The following SKAP2 variants were observed in gnomAD, a reference collection of about 807,000 sequenced individuals.
SKAP2 encodes the protein src kinase associated phosphoprotein 2, also known as src kinase-associated phosphoprotein 2.
In SKAP2, 28 loss-of-function variants were observed where a neutral mutation model predicts 54.9. The observed-to-expected ratio is 0.51, with a 90% CI of 0.38 to 0.70. The LOEUF (loss-of-function observed/expected upper bound fraction) is 0.70. Ranked by LOEUF, SKAP2 falls within the 30% of genes least tolerant of loss-of-function variation. The pLI is 0.00. For missense variants in SKAP2, 356 were observed against 424.1 expected, an observed-to-expected ratio of 0.84 and a Z score of 1.41; for synonymous variants, 137 against 134.3, an observed-to-expected ratio of 1.02 and a Z score of -0.14.
intron 9 of SKAP2, among the ~76,000 whole-genome samples, chr7:26,718,022 TATACATACATAC>T (rs755874393): frequency 6.6e-6 from 1 of 151,726 alleles, no homozygotes; most frequent in African/African-American, 2.4e-5. Flanking sequence ...ATTATATATA[TATACATACATAC>T]ATACATACAT....
In SKAP2 at chr7:26,784,714, G is replaced by A. The variant is rs572326174; in HGVS notation, c.308-44750C>T. Among the ~76,000 whole-genome samples, 11 of 152,312 alleles carry A rather than the reference G, an allele frequency of 7.2e-5. No individual in the cohort carries two copies. In the East Asian group the frequency reaches 2.1e-3, roughly 29 times the overall value. ...ACAGTGGGAGTTCAAAGTCATTATT[G>A]AAGAGTGAACATAAGAAAGTTTAAC... On this transcript the variant is annotated intron_variant, in intron 4 of 12. Coordinates refer to ENST00000345317, the MANE Select transcript of SKAP2 (RefSeq NM_003930.5).
chr7:26,831,214 T>C (rs532774828), intron 4 of SKAP2, among the ~76,000 whole-genome samples: 1 of 152,302 alleles, frequency 6.6e-6, no homozygotes, highest in East Asian at 1.9e-4. Context: ...TGCCTATGTA[T>C]AAAATTTTTC....
chr7:26,757,571 C>T (rs552739395), intron 4 of SKAP2, among the ~76,000 whole-genome samples: 49 of 152,268 alleles, frequency 3.2e-4, no homozygotes, highest in Non-Finnish European at 6.0e-4. Context: ...GTTTTGGTTA[C>T]TGTAGCCTTG....
At position 26,844,077 on chromosome 7, in the gene SKAP2, G is replaced by T. The variant is rs758783711; in HGVS notation, c.260C>A (p.Ser87Ter). The T allele has an allele frequency of 6.2e-7, 1 of 1,612,190 alleles. No individual in the cohort carries two copies. Among genetic ancestry groups the T allele is most frequent in the East Asian group, 2.2e-5 (1 of 44,798 alleles). Reference sequence around the variant, plus strand: ...TTTATCATATCGTTCTGAGGCTAATGAAATAGTGTCTGGAGGCCCAGCAAA... The same window carrying T: ...TTTATCATATCGTTCTGAGGCTAATTAAATAGTGTCTGGAGGCCCAGCAAA... ...DPFAGPPDTI[S>*]LASERYDKDD... The change falls in exon 4 of 13, where the codon TCA (serine) becomes TAA (stop). Residue 87 changes from serine (S) to a stop codon, truncating the protein, a stop_gained. Transcript: ENST00000345317. LOFTEE classifies it high-confidence loss of function.
intron 4 of SKAP2, among the ~76,000 whole-genome samples, chr7:26,782,479 C>T (rs1783448306): frequency 6.6e-6 from 1 of 152,078 alleles, no homozygotes; most frequent in Admixed American, 6.5e-5. Flanking sequence ...TATGTGTCCC[C>T]CCCAAATTCA....
intron 1 of SKAP2, among the ~76,000 whole-genome samples, chr7:26,862,604 A>T (rs1785292505): frequency 6.6e-6 from 1 of 152,114 alleles, no homozygotes; most frequent in Admixed American, 6.5e-5. Flanking sequence ...AATATATTGG[A>T]AGTTAGCATT....
At chr7:26,763,083 G>A (rs1782967932) in intron 4 of SKAP2, among the ~76,000 whole-genome samples, 1 of 152,138 alleles carries the variant, frequency 6.6e-6, no homozygotes, top group South Asian at 2.1e-4. Context: ...AGAAAATGTT[G>A]TCTTCAAGTC....
rs981045756 is a variant in SKAP2 at position 26,686,501 on chromosome 7, A to AT, written c.875-1654dup. ...AATGCTTGTGGCCACTCTTCATTAC[A>AT]TTTTTTTCCCCAAAGCATATATTAA... On this transcript the variant is annotated intron_variant, in intron 10 of 12. Transcript: ENST00000345317. Among the ~76,000 whole-genome samples the AT allele has an allele frequency of 6.6e-5, 10 of 152,142 alleles. No individual in the cohort carries two copies. The East Asian group carries it at 9.6e-4, about 15-fold the overall frequency.
At chr7:26,752,878 T>C (rs1201356866) in intron 4 of SKAP2, among the ~76,000 whole-genome samples, 2 of 152,146 alleles carry the variant, frequency 1.3e-5, no homozygotes, top group Non-Finnish European at 2.9e-5. Flanking sequence ...TATACCTACT[T>C]TGTATCCACC....
At chr7:26,804,085 A>G (rs965252355) in intron 4 of SKAP2, among the ~76,000 whole-genome samples, 7 of 152,212 alleles carry the variant, frequency 4.6e-5, no homozygotes, top group Non-Finnish European at 1.0e-4. Flanking sequence ...CAGTAACTTA[A>G]TTGTATATTT....
intron 4 of SKAP2, among the ~76,000 whole-genome samples, chr7:26,817,019 T>G (rs965193960): frequency 2.0e-5 from 3 of 152,110 alleles, no homozygotes; most frequent in African/African-American, 7.2e-5. Context: ...CCTAACTCAC[T>G]TTTCCTCATC....
chr7:26,711,661 G>T (rs1328663466), intron 9 of SKAP2, among the ~76,000 whole-genome samples: 1 of 152,180 alleles, frequency 6.6e-6, no homozygotes, highest in Non-Finnish European at 1.5e-5. Flanking sequence ...TGGAAAGGTG[G>T]ATTTGTGTGG....
chr7:26,655,977 T>C, the SKAP2 span, among the ~76,000 whole-genome samples: 1 of 152,252 alleles, frequency 6.6e-6, no homozygotes, highest in East Asian at 1.9e-4. Flanking sequence ...TCATTGAAGA[T>C]CTTTTAGTAG....
At chr7:26,707,305 A>G (rs1471896126) in intron 9 of SKAP2, among the ~76,000 whole-genome samples, 1 of 152,024 alleles carries the variant, frequency 6.6e-6, no homozygotes, top group Non-Finnish European at 1.5e-5. Context: ...CGCTGCAGTG[A>G]GCCAAGATCA....
intron 4 of SKAP2, among the ~76,000 whole-genome samples, chr7:26,802,186 A>G (rs1783928314): frequency 6.6e-6 from 1 of 152,066 alleles, no homozygotes; most frequent in Admixed American, 6.5e-5. Flanking sequence ...TAAAGAACAC[A>G]GAAGCAAATC....
At position 26,669,608 on chromosome 7, in the gene SKAP2, C is replaced by T. The variant is rs1191827656; in HGVS notation, c.*58G>A. Reference sequence around the variant, plus strand: ...GGAGCTGTCACTCGTGCTTTCATGACGCTTCTAAATCCAAAGCATTTGCAG... The same window carrying T: ...GGAGCTGTCACTCGTGCTTTCATGATGCTTCTAAATCCAAAGCATTTGCAG... On this transcript the variant is annotated 3_prime_UTR_variant, in exon 13 of 13. Coordinates refer to ENST00000345317, the MANE Select transcript of SKAP2 (RefSeq NM_003930.5). 3.3e-5 allele frequency: 5 copies of T among 152,268 alleles called. No individual in the cohort carries two copies. The highest frequency in any genetic ancestry group is 1.9e-4 in the East Asian group (1 of 5,168). 9.4% of individuals were successfully genotyped at this position (152,268 alleles called of 1,614,324 possible).
intron 6 of SKAP2, among the ~76,000 whole-genome samples, chr7:26,731,683 C>T (rs1462475165): frequency 1.3e-5 from 2 of 152,130 alleles, no homozygotes; most frequent in Non-Finnish European, 2.9e-5. Context: ...ATCCCCACTC[C>T]CAACACTTGT....
At chr7:26,841,346 T>TA (rs993332543) in intron 4 of SKAP2, among the ~76,000 whole-genome samples, 129 of 140,950 alleles carry the variant, frequency 9.2e-4, no homozygotes, top group East Asian at 6.7e-3. Context: ...AGTTGGCCAA[T>TA]AAAAAAAAAA....
rs75720577 is a variant in SKAP2 at position 26,676,041 on chromosome 7, G to T, written c.988-5849C>A. On this transcript the variant is annotated intron_variant, in intron 11 of 12. Coordinates refer to ENST00000345317, the MANE Select transcript of SKAP2 (RefSeq NM_003930.5). Reference sequence around the variant, plus strand: ...GACAGGTAGAATGGAAAATCTCCTGGTTTTTTCAGCTCCTTATCTTTTTTG... The same window carrying T: ...GACAGGTAGAATGGAAAATCTCCTGTTTTTTTCAGCTCCTTATCTTTTTTG... Among the ~76,000 whole-genome samples the T allele has an allele frequency of 8.1e-3, 1,231 of 152,200 alleles. 15 individuals carry two copies. Among genetic ancestry groups the T allele is most frequent in the African/African-American group, 0.028 (1,167 of 41,528 alleles).
Sources: gnomAD v4.1 joint callset for allele counts (sites outside exome capture counted in the v4.1 genomes callset) on GRCh38, gnomAD v4.1.1 for gene constraint, MANE v1.5 for transcripts, NCBI Gene and HGNC (gene_info 2026-07-23, HGNC 2026-07-21) for gene names.